The following LRP1B variants were observed in gnomAD, a reference collection of about 807,000 sequenced individuals.
LRP1B encodes the protein LDL receptor related protein 1B.
In LRP1B, 217 loss-of-function variants were observed where a neutral mutation model predicts 556.6. The observed-to-expected ratio is 0.39, with a 90% CI of 0.35 to 0.44. The LOEUF (loss-of-function observed/expected upper bound fraction) is 0.44, where lower values mean the gene tolerates loss of function less well. Ranked by LOEUF, LRP1B falls within the 20% of genes least tolerant of loss-of-function variation. The pLI is 1.00. For missense variants in LRP1B, 5,053 were observed against 5,620.8 expected (o/e 0.90, Z 3.23); for synonymous variants, 2,047 against 1,865.8 (o/e 1.10, Z -2.50).
At chr2:140,911,337 T>C (rs763300446) in intron 21 of LRP1B, among the ~76,000 whole-genome samples, 2 of 151,834 alleles carry the variant, frequency 1.3e-5, no homozygotes, top group East Asian at 1.9e-4. Flanking sequence ...TGGAAAGAAT[T>C]AGTTACTGGA....
intron 1 of LRP1B, among the ~76,000 whole-genome samples, chr2:141,865,658 G>A (rs1226778892): frequency 6.7e-6 from 1 of 149,834 alleles, no homozygotes; most frequent in East Asian, 2.0e-4. Flanking sequence ...CAAGAGGGTA[G>A]AAGAAAGTGA....
rs577995931 is a variant in LRP1B, at chr2:141,942,292, A to G, written c.83-131891T>C. Among the ~76,000 whole-genome samples, 3 of 152,320 alleles carry G rather than the reference A, an allele frequency of 2.0e-5. No homozygotes were observed. In the East Asian group the frequency reaches 5.8e-4, roughly 29 times the overall value. ...GGCACTGTTCTGCTCAATGAAGTAA[A>G]TAGTTATATGGGTAATTCTTTGAAA... On this transcript the variant is annotated intron_variant, in intron 1 of 90. Transcript: ENST00000389484.
chr2:141,467,846 G>GGCGGGGCA (rs1682303020), intron 3 of LRP1B, among the ~76,000 whole-genome samples: 2 of 53,152 alleles, frequency 3.8e-5, no homozygotes, highest in Admixed American at 2.5e-4. Context: ...GACCGGGGGG[G>GGCGGGGCA]GGGGAATTCC....
chr2:141,218,642 G>A (rs185050447), intron 6 of LRP1B, among the ~76,000 whole-genome samples: 124 of 152,262 alleles, frequency 8.1e-4, no homozygotes, highest in Non-Finnish European at 1.3e-4. Flanking sequence ...AAGGGGTAAA[G>A]GGAAAAGATT....
intron 2 of LRP1B, among the ~76,000 whole-genome samples, chr2:141,667,254 T>G (rs1191704): frequency 0.11 from 17,149 of 152,190 alleles, 1,034 homozygotes; most frequent in African/African-American, 0.15. Flanking sequence ...CAAGAGCATC[T>G]GCAGAACTGG....
At chr2:140,340,217 C>T (rs1432420448) in intron 77 of LRP1B, among the ~76,000 whole-genome samples, 1 of 151,394 alleles carries the variant, frequency 6.6e-6, no homozygotes, top group Non-Finnish European at 1.5e-5. Flanking sequence ...GATTATAAAA[C>T]ACACTGAATT....
At chr2:140,886,518 T>C (rs1421620697) in intron 23 of LRP1B, among the ~76,000 whole-genome samples, 183 bp from the exon 24 acceptor site, 1 of 152,152 alleles carries the variant, frequency 6.6e-6, no homozygotes. Context: ...GTGTATTCAC[T>C]AGAATAGGTA....
At chr2:141,458,834 CA>C (rs1239191474) in intron 3 of LRP1B, among the ~76,000 whole-genome samples, 5 of 152,146 alleles carry the variant, frequency 3.3e-5, no homozygotes, top group African/African-American at 1.2e-4. Flanking sequence ...AGTTCCTCCT[CA>C]AAATCTTTAC....
intron 7 of LRP1B, among the ~76,000 whole-genome samples, chr2:141,088,220 A>T (rs1320997286): frequency 6.6e-6 from 1 of 152,190 alleles, no homozygotes; most frequent in African/African-American, 2.4e-5. Flanking sequence ...TATTGCACGA[A>T]GTAATGATTT....
At chr2:141,890,402 T>C (rs1699256661) in intron 1 of LRP1B, among the ~76,000 whole-genome samples, 2 of 132,142 alleles carry the variant, frequency 1.5e-5, no homozygotes, top group African/African-American at 7.7e-5. Flanking sequence ...TGTATATATA[T>C]ATATATACTG....
At chr2:141,690,414 T>A (rs796708795) in intron 2 of LRP1B, among the ~76,000 whole-genome samples, 2,169 of 123,888 alleles carry the variant, frequency 0.018, 110 homozygotes, top group South Asian at 0.025. Context: ...TATATATATA[T>A]ATATATATAT....
intron 79 of LRP1B, among the ~76,000 whole-genome samples, chr2:140,327,418 T>C (rs1230937353): frequency 6.6e-6 from 1 of 152,102 alleles, no homozygotes; most frequent in Admixed American, 6.6e-5. Flanking sequence ...AAGCAAGTGG[T>C]CATTGTTTTA....
At chr2:141,537,598 A>T (rs1278887435) in intron 2 of LRP1B, among the ~76,000 whole-genome samples, 1 of 152,108 alleles carries the variant, frequency 6.6e-6, no homozygotes. Flanking sequence ...TTGAATTTCT[A>T]TTTCCTCAAT....
chr2:140,375,798 T>G (rs1034479745), intron 68 of LRP1B, among the ~76,000 whole-genome samples: 5 of 152,152 alleles, frequency 3.3e-5, no homozygotes, highest in African/African-American at 1.2e-4. Context: ...TAAAATCACT[T>G]TAAGTAATCA....
At chr2:140,736,998 A>C (rs968755668) in intron 35 of LRP1B, among the ~76,000 whole-genome samples, 1 of 152,140 alleles carries the variant, frequency 6.6e-6, no homozygotes, top group Non-Finnish European at 1.5e-5. Flanking sequence ...TTAAGGCCAA[A>C]AATACATTGG....
At chr2:141,706,533 G>T (rs1692144334) in intron 2 of LRP1B, among the ~76,000 whole-genome samples, 1 of 152,018 alleles carries the variant, frequency 6.6e-6, no homozygotes, top group African/African-American at 2.4e-5. Context: ...ACACCAACCT[G>T]CTTCCAAGTC....
chr2:141,992,313 G>A (rs1453247143), intron 1 of LRP1B, among the ~76,000 whole-genome samples: 4 of 152,066 alleles, frequency 2.6e-5, no homozygotes, highest in African/African-American at 7.2e-5. Flanking sequence ...TGGGACCATG[G>A]ACTGAGTGGA....
chr2:141,206,240 T>C (rs559677599), intron 6 of LRP1B, among the ~76,000 whole-genome samples: 1 of 152,126 alleles, frequency 6.6e-6, no homozygotes, highest in Non-Finnish European at 1.5e-5. Flanking sequence ...AACCATTTCC[T>C]ATGCTGGTTT....
intron 63 of LRP1B, among the ~76,000 whole-genome samples, chr2:140,446,597 TCAAG>T (rs575941933): frequency 1.3e-5 from 2 of 152,080 alleles, no homozygotes; most frequent in Non-Finnish European, 2.9e-5. Context: ...ACCATGACTC[TCAAG>T]CAAAGTGTCA....
Sources: gnomAD v4.1 joint callset for allele counts (sites outside exome capture counted in the v4.1 genomes callset) on GRCh38, gnomAD v4.1.1 for gene constraint, MANE v1.5 for transcripts, NCBI Gene and HGNC (gene_info 2026-07-23, HGNC 2026-07-21) for gene names.